FAT3: variants seen among roughly 807,000 people sequenced by gnomAD.
The protein encoded by FAT3 is protocadherin Fat 3.
A neutral mutation model predicts 310.2 loss-of-function variants in FAT3; 95 were observed. That is an observed-to-expected ratio of 0.31 (90% CI 0.26 to 0.36). FAT3 has a LOEUF of 0.36. FAT3 is among the 10% of genes least tolerant of loss of function. The pLI is 1.00. For synonymous variants in FAT3, 2,314 were observed against 2,192.9 expected, an observed-to-expected ratio of 1.06 and a Z score of -1.54; for missense variants, 5,408 against 5,715.6, an observed-to-expected ratio of 0.95 and a Z score of 1.74.
At chr11:92,312,386 C>G (rs932346731) in intron 1 of FAT3, among the ~76,000 whole-genome samples, 4 of 152,164 alleles carry the variant, frequency 2.6e-5, no homozygotes, top group Admixed American at 2.6e-4. Context: ...AAGGGAAATT[C>G]CCTCCCTCTA....
intron 3 of FAT3, among the ~76,000 whole-genome samples, chr11:92,629,224 A>G (rs1239051543): frequency 1.3e-5 from 2 of 152,204 alleles, no homozygotes; most frequent in African/African-American, 4.8e-5. Context: ...AAATCAAGAT[A>G]TAGTAGCAGT....
At chr11:92,782,806 T>C (rs1008235663) in intron 7 of FAT3, among the ~76,000 whole-genome samples, 7 of 152,186 alleles carry the variant, frequency 4.6e-5, no homozygotes, top group Non-Finnish European at 7.4e-5. Context: ...GAGTTCATTC[T>C]TCCTCTCTCA....
At chr11:92,564,058 G>A (rs1955339755) in intron 3 of FAT3, among the ~76,000 whole-genome samples, 1 of 152,004 alleles carries the variant, frequency 6.6e-6, no homozygotes, top group South Asian at 2.1e-4. Flanking sequence ...AATGTAAATG[G>A]ACTAAATGCT....
intron 4 of FAT3, among the ~76,000 whole-genome samples, chr11:92,754,627 C>CAAAAAAAAAAAAAAAAA (rs71064722): frequency 0.024 from 773 of 32,618 alleles, 86 homozygotes; most frequent in Non-Finnish European, 0.031. Context: ...GACTCTGCCT[C>CAAAAAAAAAAAAAAAAA]AAAAAAAAAA....
At chr11:92,832,432 C>A (rs1448255858) in intron 14 of FAT3, among the ~76,000 whole-genome samples, 3 of 152,066 alleles carry the variant, frequency 2.0e-5, no homozygotes, top group Non-Finnish European at 4.4e-5. Context: ...TTTTCCTCCT[C>A]CTACCTCCTT....
At chr11:92,339,215 C>A (rs566877640) in intron 1 of FAT3, among the ~76,000 whole-genome samples, 2 of 152,126 alleles carry the variant, frequency 1.3e-5, no homozygotes, top group African/African-American at 4.8e-5. Flanking sequence ...CATTTAGTAG[C>A]ATCTCTGGCC....
chr11:92,540,760 GTTTTGTTTTGTTTTGTTTT>G (rs779006761), intron 3 of FAT3, among the ~76,000 whole-genome samples: 15 of 102,714 alleles, frequency 1.5e-4, no homozygotes, highest in Non-Finnish European at 2.1e-4. Context: ...GTTTTGTTTT[GTTTTGTTTTGTTTTGTTTT>G]TTTTGACACA....
rs528945274 is a variant in FAT3 at position 92,733,245 on chromosome 11, A to T, written c.3670-28611A>T. Among the ~76,000 whole-genome samples the T allele has an allele frequency of 6.6e-5, 10 of 152,306 alleles. No homozygotes were observed. The South Asian group carries it at 2.1e-3, about 32-fold the overall frequency. On this transcript the variant is annotated intron_variant, in intron 4 of 27. Coordinates refer to ENST00000525166, the MANE Select transcript of FAT3 (RefSeq NM_001367949.2). ...AGTAACCACTTAATACATGAGTAAA[A>T]CAAGTCTACATTCTGGAAGGTTTGG...
chr11:92,867,299 G>C, intron 22 of FAT3, 90 bp downstream of exon 22: 1 of 1,298,388 alleles, frequency 7.7e-7, no homozygotes, highest in Non-Finnish European at 1.0e-6. Context: ...CCAACGCAAG[G>C]ACTCTACTAG....
At chr11:92,691,669 C>G (rs529106608) in intron 3 of FAT3, among the ~76,000 whole-genome samples, 5 of 152,108 alleles carry the variant, frequency 3.3e-5, no homozygotes, top group African/African-American at 9.7e-5. Flanking sequence ...GCATAAGACA[C>G]CACACCTGGC....
chr11:92,294,582 A>G (rs1361331313), intron 1 of FAT3, among the ~76,000 whole-genome samples: 1 of 152,086 alleles, frequency 6.6e-6, no homozygotes, highest in East Asian at 1.9e-4. Context: ...TATAGGTGTC[A>G]TGCAGAAAAG....
At position 92,798,145 on chromosome 11, in the gene FAT3, A is replaced by T; in HGVS notation, c.5132A>T (p.Asn1711Ile). The change falls in exon 10 of 28, where the codon AAT becomes ATT. Residue 1711 changes from asparagine (N) to isoleucine (I), a missense_variant. Asn to Ile is a moderately radical substitution (Grantham distance 149, BLOSUM62 -3). Around this residue, in one of 5 missense-constraint regions of FAT3, gnomAD observed 4,588 missense variants for 4,809.8 expected, o/e 0.95. Coordinates refer to ENST00000525166, the MANE Select transcript of FAT3 (RefSeq NM_001367949.2). ...TATGAAGTCAAAGATGGAGACATTA[A>T]TGGGATCTTTACCATAAATCCATAT... Reference protein sequence around the residue: ...LIYEVKDGDINGIFTINPYSG... With the variant: ...LIYEVKDGDIIGIFTINPYSG... 6.2e-7 allele frequency: 1 copy of T among 1,613,966 alleles called. No individual in the cohort carries two copies. The highest frequency in any genetic ancestry group is 8.5e-7 in the Non-Finnish European group (1 of 1,179,868).
chr11:92,492,012 C>T (rs1357348523), intron 2 of FAT3, among the ~76,000 whole-genome samples: 1 of 152,004 alleles, frequency 6.6e-6, no homozygotes, highest in Non-Finnish European at 1.5e-5. Context: ...GATGGGGCAG[C>T]ATGCAGAAGT....
intron 1 of FAT3, among the ~76,000 whole-genome samples, chr11:92,225,408 G>A (rs994198465): frequency 1.3e-5 from 2 of 152,176 alleles, no homozygotes; most frequent in Non-Finnish European, 2.9e-5. Context: ...GCTTGGCCCC[G>A]CGGCGGGAGC....
intron 2 of FAT3, among the ~76,000 whole-genome samples, chr11:92,411,295 G>A (rs1950262992): frequency 6.6e-6 from 1 of 151,340 alleles, no homozygotes; most frequent in Non-Finnish European, 1.5e-5. Context: ...CACCTGCTAG[G>A]CATTGTAGGA....
intron 3 of FAT3, among the ~76,000 whole-genome samples, chr11:92,532,002 C>G (rs78705133): frequency 0.012 from 1,843 of 152,116 alleles, 20 homozygotes; most frequent in Non-Finnish European, 0.02. Context: ...AGGAACTGCC[C>G]CCATTGAGAA....
intron 2 of FAT3, among the ~76,000 whole-genome samples, chr11:92,442,107 A>ATTTTTTTTTTTTTTTTT (rs1565320189): frequency 2.0e-5 from 1 of 49,862 alleles, no homozygotes; most frequent in African/African-American, 1.5e-4. Context: ...ATATATATAT[A>ATTTTTTTTTTTTTTTTT]TATATTTTTT....
intron 18 of FAT3, among the ~76,000 whole-genome samples, chr11:92,842,095 G>A (rs1948568010): frequency 6.6e-6 from 1 of 152,150 alleles, no homozygotes; most frequent in Non-Finnish European, 1.5e-5. Flanking sequence ...TCCTTGCATA[G>A]GACAGCCTGG....
intron 10 of FAT3, 79 bp from the exon 11 acceptor site, chr11:92,805,074 C>T (rs1947465134): frequency 6.9e-7 from 1 of 1,449,282 alleles, no homozygotes; most frequent in Admixed American, 2.1e-5. Flanking sequence ...GATGACTCCA[C>T]ATGCACCTCT....
Sources: gnomAD v4.1 joint callset for allele counts (sites outside exome capture counted in the v4.1 genomes callset) on GRCh38, gnomAD v4.1.1 for gene constraint, gnomAD v4.1.1 regional missense constraint, MANE v1.5 for transcripts, NCBI Gene and HGNC (gene_info 2026-07-23, HGNC 2026-07-21) for gene names.